The following LARGE1 variants were observed in gnomAD, a reference collection of about 807,000 sequenced individuals.
The protein encoded by LARGE1 is LARGE xylosyl- and glucuronyltransferase 1.
In LARGE1, 43 loss-of-function variants were observed where a neutral mutation model predicts 87.6. The ratio of observed to expected loss-of-function variants is 0.49; its 90% CI spans 0.38 to 0.63. The LOEUF (loss-of-function observed/expected upper bound fraction) is 0.63. Among genes scored for constraint, LARGE1 ranks in the 30% least tolerant of loss-of-function variants. LARGE1 has a pLI of 0.00. For synonymous variants in LARGE1, 434 were observed against 394.6 expected, an observed-to-expected ratio of 1.10 and a Z score of -1.18; for missense variants, 802 against 1,000.2, an observed-to-expected ratio of 0.80 and a Z score of 2.67.
chr22:33,414,112 G>A (rs536587942), intron 7 of LARGE1, among the ~76,000 whole-genome samples: 1 of 152,156 alleles, frequency 6.6e-6, no homozygotes, highest in South Asian at 2.1e-4. Flanking sequence ...TGGAGGAACC[G>A]CCATACTGTT....
intron 12 of LARGE1, among the ~76,000 whole-genome samples, chr22:33,288,481 G>A (rs1323048229): frequency 6.6e-6 from 1 of 152,106 alleles, no homozygotes; most frequent in Non-Finnish European, 1.5e-5. Flanking sequence ...ATCTAGCTCT[G>A]CATATTGATA....
chr22:33,403,976 A>G lies in LARGE1; in HGVS notation c.893-19672T>C, dbSNP rs1463484769. Among the ~76,000 whole-genome samples, 9 of 152,340 alleles carry G rather than the reference A, an allele frequency of 5.9e-5. No homozygotes were observed. The South Asian group carries it at 8.3e-4, about 14-fold the overall frequency. On this transcript the variant is annotated intron_variant, in intron 7 of 14. Transcript: ENST00000397394. ...ATGATATTATGTTTTTCCTTAGACC[A>G]GTATCTTCTGCAAGTCTCCTATGTA... is the stretch of plus-strand genomic sequence containing the variant.
At chr22:33,366,466 A>G (rs1473589451) in intron 9 of LARGE1, among the ~76,000 whole-genome samples, 1 of 152,242 alleles carries the variant, frequency 6.6e-6, no homozygotes, top group Non-Finnish European at 1.5e-5. Flanking sequence ...CCTTTAATCT[A>G]TTAACATGCT....
intron 4 of LARGE1, among the ~76,000 whole-genome samples, chr22:33,615,755 T>C (rs1236461854): frequency 6.6e-6 from 1 of 151,530 alleles, no homozygotes; most frequent in Non-Finnish European, 1.5e-5. Context: ...GGAGATAATA[T>C]TTTCAAGCAT....
At chr22:33,588,564 G>C (rs1429793767) in intron 5 of LARGE1, among the ~76,000 whole-genome samples, 2 of 152,126 alleles carry the variant, frequency 1.3e-5, no homozygotes, top group African/African-American at 4.8e-5. Context: ...ACTTAAGTTG[G>C]CATCACAGCA....
At chr22:33,866,403 G>A (rs1292031440) in intron 1 of LARGE1, among the ~76,000 whole-genome samples, 2 of 152,136 alleles carry the variant, frequency 1.3e-5, no homozygotes, top group Non-Finnish European at 2.9e-5. Flanking sequence ...TACCTTTCAA[G>A]TACTCAGTAA....
At chr22:33,120,358 T>TTTTCTTCC in the LARGE1 span, among the ~76,000 whole-genome samples, 1 of 118,686 alleles carries the variant, frequency 8.4e-6, no homozygotes, top group Non-Finnish European at 1.7e-5. Flanking sequence ...TTTTCTTTCT[T>TTTTCTTCC]TTTCTTTCTT....
the LARGE1 span, among the ~76,000 whole-genome samples, chr22:33,072,503 T>C: frequency 6.6e-6 from 1 of 152,202 alleles, no homozygotes; most frequent in African/African-American, 2.4e-5. Flanking sequence ...CTGGTGGTTT[T>C]TAAATTCCTG....
chr22:33,697,748 A>G (rs1025766734), intron 2 of LARGE1, among the ~76,000 whole-genome samples: 8 of 152,140 alleles, frequency 5.3e-5, no homozygotes, highest in African/African-American at 1.9e-4. Context: ...AAGAAGAAAG[A>G]GTTGAAAGTC....
chr22:33,896,820 C>T (rs150812482), intron 1 of LARGE1, among the ~76,000 whole-genome samples: 241 of 152,232 alleles, frequency 1.6e-3, no homozygotes, highest in African/African-American at 5.6e-3. Context: ...CTCACTCGTT[C>T]TCTCTCAGTA....
At chr22:33,346,359 A>G (rs1939762580) in intron 9 of LARGE1, among the ~76,000 whole-genome samples, 1 of 149,732 alleles carries the variant, frequency 6.7e-6, no homozygotes, top group African/African-American at 2.5e-5. Context: ...CTGGAGTGCA[A>G]TGATGCGATC....
At chr22:33,695,726 G>GT (rs1482605769) in intron 2 of LARGE1, among the ~76,000 whole-genome samples, 3 of 152,102 alleles carry the variant, frequency 2.0e-5, no homozygotes, top group African/African-American at 2.4e-5. Flanking sequence ...ATGTTTATGG[G>GT]TTTTTTCCCC....
At position 33,370,160 on chromosome 22, in the gene LARGE1, G is replaced by T. The variant is rs200749739; in HGVS notation, c.1131+11759C>A. Reference sequence around the variant, plus strand: ...GGTTAGGCTCTCAGGTCAAAATCTTGAGGTCAGAACAGTAATATAAGGTAT... The same window carrying T: ...GGTTAGGCTCTCAGGTCAAAATCTTTAGGTCAGAACAGTAATATAAGGTAT... On this transcript the variant is annotated intron_variant, in intron 9 of 14. Coordinates refer to ENST00000397394, the MANE Select transcript of LARGE1 (RefSeq NM_133642.5). 5.1e-4 allele frequency among the ~76,000 whole-genome samples: 78 copies of T among 152,172 alleles called. 1 individual carries two copies. The East Asian group carries it at 0.014, about 28-fold the overall frequency.
intron 11 of LARGE1, among the ~76,000 whole-genome samples, chr22:33,245,503 T>A (rs955188229): frequency 6.6e-6 from 1 of 152,250 alleles, no homozygotes; most frequent in African/African-American, 2.4e-5. Context: ...TTGGTAGCCA[T>A]TAGTTTGATT....
chr22:33,876,940 C>G (rs1428072175), intron 1 of LARGE1, among the ~76,000 whole-genome samples: 1 of 151,658 alleles, frequency 6.6e-6, no homozygotes, highest in Non-Finnish European at 1.5e-5. Context: ...AACTCCAGAT[C>G]TGAACACTCT....
intron 1 of LARGE1, among the ~76,000 whole-genome samples, chr22:33,839,226 G>A (rs112810356): frequency 2.0e-5 from 3 of 152,198 alleles, no homozygotes; most frequent in African/African-American, 7.2e-5. Flanking sequence ...TAAAAGAGGA[G>A]CAGACACGTC....
At chr22:33,366,769 C>T (rs112421939) in intron 9 of LARGE1, among the ~76,000 whole-genome samples, 15 of 152,200 alleles carry the variant, frequency 9.9e-5, no homozygotes, top group African/African-American at 3.1e-4. Flanking sequence ...GTTTCAGTCT[C>T]GAGTATGTCT....
At chr22:33,498,707 C>A (rs537786116) in intron 6 of LARGE1, among the ~76,000 whole-genome samples, 1 of 152,300 alleles carries the variant, frequency 6.6e-6, no homozygotes, top group Admixed American at 6.5e-5. Flanking sequence ...CGCGGGGGCT[C>A]ACACCTGTAA....
intron 4 of LARGE1, among the ~76,000 whole-genome samples, chr22:33,610,714 G>A (rs1231143916): frequency 6.6e-6 from 1 of 152,168 alleles, no homozygotes; most frequent in Non-Finnish European, 1.5e-5. Context: ...AGGTACGACA[G>A]CCAAGACAAT....
Sources: allele counts gnomAD v4.1 joint callset (sites outside exome capture counted in the v4.1 genomes callset), GRCh38; gene constraint gnomAD v4.1.1; transcripts MANE v1.5; gene names NCBI Gene and HGNC (gene_info 2026-07-23, HGNC 2026-07-21).